Variants in DCLK1 observed in about 807,000 individuals in gnomAD.
DCLK1 encodes the protein doublecortin like kinase 1, also known as serine/threonine-protein kinase DCLK1.
Under a neutral mutation model 86.2 loss-of-function variants are expected in DCLK1, and 16 were observed. The ratio of observed to expected loss-of-function variants is 0.19; its 90% CI spans 0.13 to 0.28. DCLK1 has a LOEUF of 0.28. DCLK1 is among the 10% of genes least tolerant of loss of function. The pLI, the probability that DCLK1 is intolerant of heterozygous loss-of-function variation, is 1.00. For synonymous variants in DCLK1, 369 were observed against 370.5 expected (o/e 1.00, Z 0.05); for missense variants, 590 against 940.2 (o/e 0.63, Z 4.87).
intron 16 of DCLK1, among the ~76,000 whole-genome samples, chr13:35,782,647 A>T (rs186122457): frequency 7.2e-5 from 11 of 152,362 alleles, no homozygotes; most frequent in Admixed American, 7.2e-4. Context: ...TGAAAAAATC[A>T]GTGAAAAAAT....
intron 4 of DCLK1, among the ~76,000 whole-genome samples, chr13:35,878,002 G>A (rs1318132133): frequency 1.3e-5 from 2 of 152,094 alleles, no homozygotes; most frequent in African/African-American, 4.8e-5. Flanking sequence ...GGCTGTCAAT[G>A]GTTAATGAGT....
intron 3 of DCLK1, among the ~76,000 whole-genome samples, chr13:36,005,382 A>C (rs1880904397): frequency 6.6e-6 from 1 of 152,230 alleles, no homozygotes; most frequent in Admixed American, 6.5e-5. Flanking sequence ...ATCCCAACCC[A>C]TTTTGGAGGT....
At chr13:36,071,767 C>T (rs563879581) in intron 3 of DCLK1, among the ~76,000 whole-genome samples, 1 of 152,188 alleles carries the variant, frequency 6.6e-6, no homozygotes, top group Non-Finnish European at 1.5e-5. Context: ...CAGACTCACA[C>T]TCCAGTTTGA....
At chr13:35,839,068 G>A in intron 7 of DCLK1, 24 bp downstream of exon 7, 3 of 1,580,844 alleles carry the variant, frequency 1.9e-6, no homozygotes, top group South Asian at 2.3e-5. Flanking sequence ...TGCCTCCTCA[G>A]ATACCAAGTC....
At chr13:36,090,983 A>C (rs373852027) in intron 3 of DCLK1, among the ~76,000 whole-genome samples, 3 of 152,246 alleles carry the variant, frequency 2.0e-5, no homozygotes, top group Admixed American at 2.0e-4. Flanking sequence ...CTGCATAAAC[A>C]TCTTCTTTTG....
chr13:35,809,434 C>G (rs747618154), intron 12 of DCLK1, among the ~76,000 whole-genome samples: 1 of 152,158 alleles, frequency 6.6e-6, no homozygotes, highest in African/African-American at 2.4e-5. Flanking sequence ...GATAAACTCC[C>G]TCACTTTAGG....
chr13:35,810,026 T>C (rs993033424), intron 12 of DCLK1, among the ~76,000 whole-genome samples: 2 of 152,166 alleles, frequency 1.3e-5, no homozygotes, highest in Non-Finnish European at 2.9e-5. Context: ...CCCACCCTGT[T>C]ATTCCTTCTG....
At chr13:36,018,298 T>G (rs1297212191) in intron 3 of DCLK1, among the ~76,000 whole-genome samples, 1 of 152,188 alleles carries the variant, frequency 6.6e-6, no homozygotes, top group Non-Finnish European at 1.5e-5. Context: ...TTCATTTTCT[T>G]TTTTCAATTA....
At chr13:35,851,629 G>T (rs1315156486) in intron 6 of DCLK1, among the ~76,000 whole-genome samples, 1 of 152,082 alleles carries the variant, frequency 6.6e-6, no homozygotes, top group Non-Finnish European at 1.5e-5. Context: ...TTCATGAGTG[G>T]GAAAAGAGTC....
At chr13:35,774,911 G>C (rs570547733) in intron 16 of DCLK1, among the ~76,000 whole-genome samples, 1 of 152,228 alleles carries the variant, frequency 6.6e-6, no homozygotes, top group Admixed American at 6.5e-5. Context: ...GACATCTGCA[G>C]GCACAGGCAG....
At chr13:35,801,549 T>C (rs1481460452) in intron 15 of DCLK1, among the ~76,000 whole-genome samples, 1 of 152,062 alleles carries the variant, frequency 6.6e-6, no homozygotes, top group Non-Finnish European at 1.5e-5. Flanking sequence ...ACTTAAATTC[T>C]CTCCCTGCTT....
chr13:35,875,218 C>T (rs1593688215), intron 4 of DCLK1, among the ~76,000 whole-genome samples: 1 of 152,132 alleles, frequency 6.6e-6, no homozygotes, highest in Non-Finnish European at 1.5e-5. Context: ...GGGCAGATGA[C>T]CAGAACTTTT....
At chr13:36,066,629 A>C (rs891594510) in intron 3 of DCLK1, among the ~76,000 whole-genome samples, 14 of 152,114 alleles carry the variant, frequency 9.2e-5, no homozygotes, top group African/African-American at 2.7e-4. Context: ...CAACCTACAA[A>C]ATGGGAGGAA....
chr13:36,085,582 A>G (rs1199235833), intron 3 of DCLK1, among the ~76,000 whole-genome samples: 4 of 152,206 alleles, frequency 2.6e-5, no homozygotes, highest in African/African-American at 7.2e-5. Flanking sequence ...TCATGTTTGC[A>G]GTAATTTTCC....
chr13:35,877,120 C>T (rs1356868377), intron 4 of DCLK1, among the ~76,000 whole-genome samples: 10 of 152,298 alleles, frequency 6.6e-5, no homozygotes, highest in East Asian at 3.9e-4. Flanking sequence ...ATTCCCCACA[C>T]GATCTATACA....
chr13:35,975,329 G>A (rs1664749735), intron 3 of DCLK1, among the ~76,000 whole-genome samples: 1 of 152,182 alleles, frequency 6.6e-6, no homozygotes. Flanking sequence ...AGAAAAGGGG[G>A]TCTGACCTGC....
At chr13:36,043,556 C>T (rs1431967301) in intron 3 of DCLK1, among the ~76,000 whole-genome samples, 2 of 152,020 alleles carry the variant, frequency 1.3e-5, no homozygotes, top group Non-Finnish European at 2.9e-5. Flanking sequence ...GTGCCCAGTA[C>T]ACTAATGATA....
chr13:35,914,369 GTATATATATA>G lies in DCLK1; in HGVS notation c.823+32979_823+32988del, dbSNP rs34226717. Among the ~76,000 whole-genome samples the G allele has an allele frequency of 5.6e-3, 663 of 117,650 alleles. 12 individuals carry two copies. Among genetic ancestry groups the G allele is most frequent in the African/African-American group, 0.011 (294 of 27,874 alleles). 77.2% of individuals were successfully genotyped at this position (117,650 alleles called of 152,430 possible). Reference sequence around the variant, plus strand: ...TATATACATATATATATATATATATGTATATATATATATATATATATAAGCAAAATTATTG... The same window carrying G: ...TATATACATATATATATATATATATGTATATATATATAAGCAAAATTATTG... On this transcript the variant is annotated intron_variant, in intron 4 of 16. Transcript: ENST00000360631.
At chr13:35,853,893 T>A (rs1870852048) in intron 6 of DCLK1, among the ~76,000 whole-genome samples, 1 of 152,216 alleles carries the variant, frequency 6.6e-6, no homozygotes, top group Non-Finnish European at 1.5e-5. Flanking sequence ...CTCTCCATCC[T>A]GAAAGAAGCA....
Sources: gnomAD v4.1 joint callset for allele counts (sites outside exome capture counted in the v4.1 genomes callset) on GRCh38, gnomAD v4.1.1 for gene constraint, MANE v1.5 for transcripts, NCBI Gene and HGNC (gene_info 2026-07-23, HGNC 2026-07-21) for gene names.